CREB5: variants seen among roughly 807,000 people sequenced by gnomAD.
The protein encoded by CREB5 is cyclic AMP-responsive element-binding protein 5.
In CREB5, 19 loss-of-function variants were observed where a neutral mutation model predicts 57.1. That is an observed-to-expected ratio of 0.33 (90% CI 0.23 to 0.49). The LOEUF (loss-of-function observed/expected upper bound fraction) is 0.49, where lower values mean the gene tolerates loss of function less well. CREB5 is among the 20% of genes least tolerant of loss of function. The pLI is 0.99. For synonymous variants in CREB5, 238 were observed against 238.3 expected (o/e 1.00, Z 0.01); for missense variants, 579 against 671.6 (o/e 0.86, Z 1.52).
chr7:28,818,246 T>C, intron 10 of CREB5, 67 bp downstream of exon 10: 5 of 1,135,218 alleles, frequency 4.4e-6, no homozygotes, highest in Non-Finnish European at 6.6e-6. Context: ...TTGCACTGAA[T>C]TTGATTGAAA....
chr7:28,691,566 G>A (rs755728869), intron 5 of CREB5, among the ~76,000 whole-genome samples: 3 of 152,070 alleles, frequency 2.0e-5, no homozygotes, highest in Non-Finnish European at 4.4e-5. Context: ...TTTGTAGACT[G>A]GAGAGAAAGG....
At chr7:28,445,012 A>AG (rs1340728742) in intron 1 of CREB5, among the ~76,000 whole-genome samples, 1 of 152,160 alleles carries the variant, frequency 6.6e-6, no homozygotes, top group East Asian at 1.9e-4. Flanking sequence ...GGGAGCTGGT[A>AG]GGGGGTAATT....
chr7:28,732,925 T>C (rs1035250552), intron 7 of CREB5, among the ~76,000 whole-genome samples: 51 of 152,098 alleles, frequency 3.4e-4, no homozygotes, highest in African/African-American at 1.2e-3. Context: ...TGGTATCCTT[T>C]TAAAATTGTC....
chr7:28,627,070 C>A (rs1266964333), intron 5 of CREB5, among the ~76,000 whole-genome samples: 2 of 152,210 alleles, frequency 1.3e-5, no homozygotes, highest in Admixed American at 1.3e-4. Flanking sequence ...TGTCCTCCAC[C>A]CCATCCATTC....
chr7:28,779,481 C>T (rs1022840575), intron 7 of CREB5, among the ~76,000 whole-genome samples: 2 of 152,166 alleles, frequency 1.3e-5, no homozygotes, highest in Admixed American at 1.3e-4. Context: ...CATGCTGCCT[C>T]CCTCATCCAG....
At chr7:28,426,066 T>C (rs1344416825) in intron 1 of CREB5, among the ~76,000 whole-genome samples, 1 of 152,206 alleles carries the variant, frequency 6.6e-6, no homozygotes, top group Non-Finnish European at 1.5e-5. Context: ...GACTCTGCCT[T>C]AGCAGTGTCC....
chr7:28,602,969 G>C, intron 5 of CREB5, among the ~76,000 whole-genome samples: 1 of 152,194 alleles, frequency 6.6e-6, no homozygotes, highest in East Asian at 1.9e-4. Context: ...AGGAAACTGG[G>C]TGAGGGGAAC....
intron 5 of CREB5, among the ~76,000 whole-genome samples, chr7:28,671,629 A>T (rs1209956228): frequency 6.6e-6 from 1 of 152,214 alleles, no homozygotes; most frequent in Non-Finnish European, 1.5e-5. Flanking sequence ...AGAAAGACGA[A>T]TTGAGCCTTT....
intron 5 of CREB5, among the ~76,000 whole-genome samples, chr7:28,619,273 C>T (rs1014020203): frequency 6.6e-6 from 1 of 152,186 alleles, no homozygotes; most frequent in Non-Finnish European, 1.5e-5. Context: ...TCCAAGGTTA[C>T]ACTAGATGGC....
intron 7 of CREB5, among the ~76,000 whole-genome samples, chr7:28,799,047 G>A (rs1226154305): frequency 6.6e-6 from 1 of 152,224 alleles, no homozygotes; most frequent in Non-Finnish European, 1.5e-5. Context: ...GTGCAACTGT[G>A]ACTCTTGTTG....
At chr7:28,663,026 T>C (rs1335218822) in intron 5 of CREB5, among the ~76,000 whole-genome samples, 1 of 151,396 alleles carries the variant, frequency 6.6e-6, no homozygotes, top group African/African-American at 2.4e-5. Context: ...GTGCCTGTAA[T>C]CCCAGCTACT....
intron 5 of CREB5, among the ~76,000 whole-genome samples, chr7:28,641,606 A>AAAACT (rs1056654759): frequency 6.6e-6 from 1 of 152,142 alleles, no homozygotes; most frequent in African/African-American, 2.4e-5. Context: ...GGGAAAAAAC[A>AAAACT]AAACTAAACT....
intron 6 of CREB5, among the ~76,000 whole-genome samples, chr7:28,719,275 T>C (rs1035770699): frequency 6.6e-6 from 1 of 152,218 alleles, no homozygotes; most frequent in East Asian, 1.9e-4. Flanking sequence ...TCAATAACAA[T>C]GATCATACAT....
intron 1 of CREB5, among the ~76,000 whole-genome samples, chr7:28,324,997 T>A (rs565679339): frequency 8.4e-4 from 128 of 152,354 alleles, no homozygotes; most frequent in Non-Finnish European, 1.6e-3. Flanking sequence ...CTTTCAGAAC[T>A]CATCCCTAAA....
intron 1 of CREB5, among the ~76,000 whole-genome samples, chr7:28,451,670 C>A (rs773865646): frequency 1.3e-5 from 2 of 151,922 alleles, no homozygotes; most frequent in Non-Finnish European, 2.9e-5. Flanking sequence ...GGAGGTGGGA[C>A]AAGGGAACAA....
intron 4 of CREB5, among the ~76,000 whole-genome samples, chr7:28,518,473 C>T (rs1400975219): frequency 6.6e-6 from 1 of 152,110 alleles, no homozygotes; most frequent in African/African-American, 2.4e-5. Flanking sequence ...AGGAACTTTC[C>T]CAGAGGATTT....
intron 1 of CREB5, among the ~76,000 whole-genome samples, chr7:28,377,904 C>T (rs1200907870): frequency 7.6e-6 from 1 of 132,034 alleles, no homozygotes; most frequent in Non-Finnish European, 1.5e-5. Context: ...TGCACTCCAG[C>T]CTGGGAGACA....
intron 7 of CREB5, among the ~76,000 whole-genome samples, chr7:28,762,091 A>G (rs1262944999): frequency 6.6e-6 from 1 of 152,172 alleles, no homozygotes; most frequent in Non-Finnish European, 1.5e-5. Flanking sequence ...TGAAAGCTTT[A>G]TATATTTTCC....
chr7:28,822,061 TTGAC>T lies in CREB5; in HGVS notation c.*2786_*2789del, dbSNP rs1463496405. ...TTTCTTCGTTCAGCAACTTGACAGT[TTGAC>T]TGATGTGCATTATATATAGCTCAAT... On this transcript the variant is annotated 3_prime_UTR_variant, in exon 11 of 11. Coordinates refer to ENST00000357727, the MANE Select transcript of CREB5 (RefSeq NM_182898.4). 1 of 152,482 alleles carries T rather than the reference TTGAC, an allele frequency of 6.6e-6. No individual in the cohort carries two copies. Among genetic ancestry groups the T allele is most frequent in the Non-Finnish European group, 1.5e-5 (1 of 68,040 alleles). The allele number at this position is 152,482 out of a possible 1,614,324, so 9.4% of individuals were successfully genotyped here.
Sources: gnomAD v4.1 joint callset for allele counts (sites outside exome capture counted in the v4.1 genomes callset) on GRCh38, gnomAD v4.1.1 for gene constraint, MANE v1.5 for transcripts, NCBI Gene and HGNC (gene_info 2026-07-23, HGNC 2026-07-21) for gene names.